EYS: variants seen among roughly 807,000 people sequenced by gnomAD.
The protein encoded by EYS is protein eyes shut homolog.
A neutral mutation model predicts 282.1 loss-of-function variants in EYS; 250 were observed. The observed-to-expected ratio is 0.89, with a 90% CI of 0.80 to 0.98. The LOEUF (loss-of-function observed/expected upper bound fraction) is 0.98. EYS is among the 50% of genes least tolerant of loss of function. EYS has a pLI of 0.00. For synonymous variants in EYS, 1,355 were observed against 1,282.9 expected (o/e 1.06, Z -1.20); for missense variants, 4,016 against 3,709.0 (o/e 1.08, Z -2.15).
intron 26 of EYS, among the ~76,000 whole-genome samples, chr6:64,562,173 A>G (rs1013734447): frequency 2.7e-5 from 4 of 146,632 alleles, no homozygotes; most frequent in Admixed American, 6.9e-5. Context: ...CATCATCAGG[A>G]TTTTTTTTTT....
chr6:65,302,169 A>G (rs1768859464), intron 11 of EYS, among the ~76,000 whole-genome samples: 1 of 152,178 alleles, frequency 6.6e-6, no homozygotes, highest in Non-Finnish European at 1.5e-5. Context: ...ATTTGAATGG[A>G]CTTAATCTCC....
At chr6:63,832,293 A>C (rs1343561154) in intron 36 of EYS, among the ~76,000 whole-genome samples, 5 of 152,130 alleles carry the variant, frequency 3.3e-5, no homozygotes, top group Admixed American at 2.0e-4. Flanking sequence ...TTTTTTGAAA[A>C]GATCAACAAA....
At chr6:65,653,570 A>C (rs1582566634) in intron 1 of EYS, among the ~76,000 whole-genome samples, 1 of 151,938 alleles carries the variant, frequency 6.6e-6, no homozygotes, top group South Asian at 2.1e-4. Context: ...ACAACATTTA[A>C]ATTGATTTGC....
At chr6:64,313,093 G>T (rs915541769) in intron 29 of EYS, among the ~76,000 whole-genome samples, 3 of 152,166 alleles carry the variant, frequency 2.0e-5, no homozygotes, top group Non-Finnish European at 4.4e-5. Flanking sequence ...CTGAGCTAAA[G>T]GAGCATGTCC....
At chr6:64,599,136 T>A (rs1766680702) in intron 24 of EYS, among the ~76,000 whole-genome samples, 1 of 152,200 alleles carries the variant, frequency 6.6e-6, no homozygotes, top group African/African-American at 2.4e-5. Flanking sequence ...TGGAATTGAT[T>A]CTGAGAATTA....
At chr6:64,664,598 A>G (rs1041716841) in intron 22 of EYS, among the ~76,000 whole-genome samples, 2 of 152,142 alleles carry the variant, frequency 1.3e-5, no homozygotes, top group Non-Finnish European at 2.9e-5. Context: ...TGAAATCTTA[A>G]CCTTCACAGC....
At chr6:64,242,874 T>A (rs982974287) in intron 30 of EYS, among the ~76,000 whole-genome samples, 2 of 146,992 alleles carry the variant, frequency 1.4e-5, no homozygotes, top group African/African-American at 4.9e-5. Flanking sequence ...TATATAAATA[T>A]ATAATCATAT....
At chr6:65,102,363 A>AG (rs1216839272) in intron 12 of EYS, among the ~76,000 whole-genome samples, 4 of 151,282 alleles carry the variant, frequency 2.6e-5, no homozygotes, top group Admixed American at 6.6e-5. Context: ...TTCGATGCTA[A>AG]TTTTTTAAGT....
At chr6:64,799,336 TC>T (rs971294915) in intron 22 of EYS, among the ~76,000 whole-genome samples, 1 of 151,926 alleles carries the variant, frequency 6.6e-6, no homozygotes, top group Non-Finnish European at 1.5e-5. Context: ...AAAGCATACC[TC>T]CTGTTGAAGC....
At chr6:64,122,948 ATATT>A (rs1773639807) in intron 31 of EYS, among the ~76,000 whole-genome samples, 1 of 152,162 alleles carries the variant, frequency 6.6e-6, no homozygotes, top group Non-Finnish European at 1.5e-5. Flanking sequence ...TTATCAGTGA[ATATT>A]TATTGAATAC....
At chr6:65,132,658 G>C (rs1251973940) in intron 12 of EYS, among the ~76,000 whole-genome samples, 1 of 151,948 alleles carries the variant, frequency 6.6e-6, no homozygotes, top group Non-Finnish European at 1.5e-5. Context: ...ACAAGACAAG[G>C]ATGCCATCTC....
intron 12 of EYS, among the ~76,000 whole-genome samples, chr6:65,199,833 C>A (rs1238870488): frequency 6.6e-6 from 1 of 152,016 alleles, no homozygotes; most frequent in Non-Finnish European, 1.5e-5. Flanking sequence ...ATTTGAAAGG[C>A]ACCAAGGATG....
chr6:63,941,674 A>G (rs1765245225), intron 35 of EYS, among the ~76,000 whole-genome samples: 1 of 152,204 alleles, frequency 6.6e-6, no homozygotes, highest in Non-Finnish European at 1.5e-5. Context: ...AGAAGCAAGC[A>G]CTAGGATTTC....
chr6:64,316,467 C>T (rs537279730), intron 29 of EYS, among the ~76,000 whole-genome samples: 101 of 152,150 alleles, frequency 6.6e-4, no homozygotes, highest in African/African-American at 2.2e-3. Context: ...TTCACAGTTG[C>T]TACAAAGAGA....
At chr6:65,094,333 A>G (rs1774670014) in intron 12 of EYS, among the ~76,000 whole-genome samples, 1 of 150,582 alleles carries the variant, frequency 6.6e-6, no homozygotes. Context: ...AAAAAAAAAA[A>G]AAAGCAAACC....
chr6:65,441,779 T>C (rs1164363238), intron 5 of EYS, among the ~76,000 whole-genome samples: 2 of 152,108 alleles, frequency 1.3e-5, no homozygotes, highest in East Asian at 3.9e-4. Context: ...CAAATTCTCC[T>C]GCTTTCAGAG....
intron 31 of EYS, among the ~76,000 whole-genome samples, chr6:64,095,168 T>C (rs1228664613): frequency 6.6e-6 from 1 of 152,200 alleles, no homozygotes; most frequent in East Asian, 1.9e-4. Context: ...AGTGCTTTAC[T>C]TCCAACCATG....
At chr6:65,102,150 AG>A (rs938019720) in intron 12 of EYS, among the ~76,000 whole-genome samples, 1 of 151,402 alleles carries the variant, frequency 6.6e-6, no homozygotes. Context: ...GAAACATAGC[AG>A]TACAATTAGA....
intron 2 of EYS, among the ~76,000 whole-genome samples, chr6:65,630,929 A>C (rs745889236): frequency 6.6e-6 from 1 of 152,240 alleles, no homozygotes; most frequent in Non-Finnish European, 1.5e-5. Flanking sequence ...AGATGTAAGC[A>C]ATTTATATAC....
Sources: gnomAD v4.1 joint callset for allele counts (sites outside exome capture counted in the v4.1 genomes callset) on GRCh38, gnomAD v4.1.1 for gene constraint, MANE v1.5 for transcripts, NCBI Gene and HGNC (gene_info 2026-07-23, HGNC 2026-07-21) for gene names.